Variants in GLB1 observed in about 807,000 individuals in gnomAD.
GLB1 encodes galactosidase beta 1.
A neutral mutation model predicts 74.0 loss-of-function variants in GLB1; 56 were observed. That is an observed-to-expected ratio of 0.76 (90% CI 0.61 to 0.94). The LOEUF is 0.94. Ranked by LOEUF, GLB1 falls within the 40% of genes least tolerant of loss-of-function variation. The probability of loss-of-function intolerance (pLI) is 0.00; values close to 1 mark genes in which losing one functional copy is unlikely to be tolerated. For missense variants in GLB1, 787 were observed against 845.5 expected (o/e 0.93, Z 0.86); for synonymous variants, 323 against 323.6 (o/e 1.00, Z 0.02).
At chr3:33,039,310 G>GA (rs1226163598) in intron 10 of GLB1, among the ~76,000 whole-genome samples, 1 of 135,360 alleles carries the variant, frequency 7.4e-6, no homozygotes. Flanking sequence ...AAAAAAAAAG[G>GA]AAAAAAAAGC....
rs1198846361 is a variant in GLB1, at chr3:33,051,955, T to C, written c.842A>G (p.His281Arg). Residue 281 changes from histidine (H) to arginine (R), a missense_variant, in exon 8 of 16, where the codon CAC (histidine) becomes CGC (arginine). His to Arg is a conservative substitution (Grantham distance 29). Transcript: ENST00000307363. ...TGWLDHWGQP[H>R]STIKTEAVAS... Reference sequence around the variant, plus strand: ...CACTGCTTCGGTCTTGATTGTGGAGTGAGGTTGGCCCCAGTGATCTAGCCA... The same window carrying C: ...CACTGCTTCGGTCTTGATTGTGGAGCGAGGTTGGCCCCAGTGATCTAGCCA... 4 of 1,614,054 alleles carry C rather than the reference T, an allele frequency of 2.5e-6. No individual in the cohort carries two copies. The South Asian group carries it at 4.4e-5, about 18-fold the overall frequency.
At chr3:33,077,180 G>T in intron 1 of GLB1, 1 of 1,473,238 alleles carries the variant, frequency 6.8e-7, no homozygotes, top group East Asian at 2.8e-5. Context: ...TTGTGAAGCG[G>T]CAGCTGAGAC....
At chr3:32,965,848 G>A in the GLB1 span, among the ~76,000 whole-genome samples, 1 of 152,234 alleles carries the variant, frequency 6.6e-6, no homozygotes, top group Non-Finnish European at 1.5e-5. Flanking sequence ...AGGGGCCAAG[G>A]TATAGCTGGG....
intron 1 of GLB1, among the ~76,000 whole-genome samples, chr3:33,077,869 C>A (rs1700179512): frequency 6.6e-6 from 1 of 151,476 alleles, no homozygotes; most frequent in African/African-American, 2.4e-5. Flanking sequence ...ACATAAAAAT[C>A]CTTGCATACT....
At chr3:33,052,762 T>C (rs1699048445) in intron 7 of GLB1, 1 of 153,450 alleles carries the variant, frequency 6.5e-6, no homozygotes, top group Admixed American at 6.5e-5. Context: ...CTTCATGTTT[T>C]TCTTGGGCAT....
the GLB1 span, among the ~76,000 whole-genome samples, chr3:32,964,580 A>C: frequency 6.6e-6 from 1 of 152,224 alleles, no homozygotes; most frequent in Non-Finnish European, 1.5e-5. Context: ...GGCAATATAT[A>C]ACAACAGAAG....
chr3:32,980,011 A>G, the GLB1 span, among the ~76,000 whole-genome samples: 1 of 152,176 alleles, frequency 6.6e-6, no homozygotes, highest in Non-Finnish European at 1.5e-5. Context: ...TTGTGTAATG[A>G]TCAAATCAGT....
chr3:33,049,479 C>T (rs1299917543), intron 9 of GLB1, among the ~76,000 whole-genome samples: 2 of 152,096 alleles, frequency 1.3e-5, no homozygotes, highest in South Asian at 2.1e-4. Flanking sequence ...TGCAATGGCA[C>T]GATCTCAGCT....
intron 9 of GLB1, among the ~76,000 whole-genome samples, chr3:33,050,385 C>A (rs1041244315): frequency 2.0e-5 from 3 of 152,166 alleles, no homozygotes; most frequent in African/African-American, 7.2e-5. Flanking sequence ...GTGCAAATAA[C>A]CCAAATGTCC....
At chr3:33,037,650 T>C (rs937571292) in intron 10 of GLB1, among the ~76,000 whole-genome samples, 1 of 152,092 alleles carries the variant, frequency 6.6e-6, no homozygotes, top group African/African-American at 2.4e-5. Flanking sequence ...GGACACCACA[T>C]AAAAACTAAT....
At chr3:32,997,404 T>C in intron 15 of GLB1, 60 bp from the exon 16 acceptor site, 1 of 1,604,068 alleles carries the variant, frequency 6.2e-7, no homozygotes, top group Non-Finnish European at 8.5e-7. Flanking sequence ...CTGAGGAAGG[T>C]GGGGGCCCTG....
chr3:32,984,394 T>C, the GLB1 span, among the ~76,000 whole-genome samples: 1 of 152,202 alleles, frequency 6.6e-6, no homozygotes, highest in African/African-American at 2.4e-5. Flanking sequence ...CTCAGCTTAA[T>C]GTGGGTCAGT....
At chr3:33,026,285 C>T (rs755014337) in intron 10 of GLB1, among the ~76,000 whole-genome samples, 21 of 152,202 alleles carry the variant, frequency 1.4e-4, no homozygotes, top group Non-Finnish European at 2.6e-4. Flanking sequence ...AGCCCACGTG[C>T]TGTCGCACGC....
chr3:33,049,718 G>A (rs768779809), intron 9 of GLB1, among the ~76,000 whole-genome samples: 10 of 152,196 alleles, frequency 6.6e-5, no homozygotes, highest in Non-Finnish European at 1.3e-4. Context: ...ACCCAGCCTG[G>A]TCACCTAGGT....
At chr3:33,014,410 A>C in intron 14 of GLB1, 100 bp from the exon 15 acceptor site, 1 of 1,538,832 alleles carries the variant, frequency 6.5e-7, no homozygotes, top group Non-Finnish European at 8.8e-7. Context: ...ACCGGGATAC[A>C]AAACACCAAC....
intron 10 of GLB1, chr3:33,045,281 A>G: frequency 2.4e-6 from 2 of 841,502 alleles, no homozygotes; most frequent in Non-Finnish European, 2.9e-6. Flanking sequence ...ATTATTGTTC[A>G]TTTATTTGAC....
Position 33,038,045 on chromosome 3 carries a change from A to G in GLB1, c.1068+8075T>C, listed in dbSNP as rs1698351675. The G allele has an allele frequency of 2.3e-5, 3 of 132,774 alleles. No homozygotes were observed. In the South Asian group the frequency reaches 7.9e-4, roughly 35 times the overall value. The allele number at this position is 132,774 out of a possible 1,614,324, so 8.2% of individuals were successfully genotyped here. On this transcript the variant is annotated intron_variant, in intron 10 of 15. Transcript: ENST00000307363. The stretch of plus-strand genomic sequence containing the variant: ...AAAAAAAAAAAAAAAAAAAAAAAAA[A>G]AGGCTCAGATTGGTGAGAGAGGTAA...
At chr3:33,010,169 A>G (rs1696964730) in intron 15 of GLB1, among the ~76,000 whole-genome samples, 1 of 152,210 alleles carries the variant, frequency 6.6e-6, no homozygotes, top group African/African-American at 2.4e-5. Context: ...AAATTGCCAA[A>G]CTATGCTCCC....
At chr3:32,982,490 A>T in the GLB1 span, among the ~76,000 whole-genome samples, 1 of 149,232 alleles carries the variant, frequency 6.7e-6, no homozygotes, top group Admixed American at 6.7e-5. Flanking sequence ...CAAAAACAAA[A>T]CAAAAACAAA....
Sources: gnomAD v4.1 joint callset for allele counts (sites outside exome capture counted in the v4.1 genomes callset) on GRCh38, gnomAD v4.1.1 for gene constraint, MANE v1.5 for transcripts, NCBI Gene and HGNC (gene_info 2026-07-23, HGNC 2026-07-21) for gene names.